The following HTATSF1 variants were observed in gnomAD, a reference collection of about 807,000 sequenced individuals.
HTATSF1 encodes the protein HIV-1 Tat specific factor 1, also known as 17S U2 SnRNP complex component HTATSF1.
Under a neutral mutation model 46.1 loss-of-function variants are expected in HTATSF1, and 6 were observed. That is an observed-to-expected ratio of 0.13 (90% CI 0.07 to 0.26). The LOEUF is 0.26. Among genes scored for constraint, HTATSF1 ranks in the 10% least tolerant of loss-of-function variants. HTATSF1 has a pLI of 1.00. For missense variants in HTATSF1, 452 were observed against 559.9 expected (o/e 0.81, Z 1.94); for synonymous variants, 226 against 211.5 (o/e 1.07, Z -0.60).
intron 8 of HTATSF1, 29 bp from the exon 9 acceptor site, chrX:136,510,779 T>C (rs767139447): frequency 1.7e-6 from 2 of 1,159,584 alleles, no homozygotes; most frequent in Non-Finnish European, 2.3e-6. Flanking sequence ...CTGAAACTTA[T>C]TTTAATGGCA....
At chrX:136,497,572 G>C (rs1482444267), upstream of HTATSF1, 2 of 600,322 alleles carry the variant, frequency 3.3e-6, no homozygotes, top group Admixed American at 4.0e-5. Flanking sequence ...AGGCGGGCCG[G>C]GGGGCGGCGG....
At chrX:136,504,613 T>G in intron 6 of HTATSF1, 150 bp downstream of exon 6, 1 of 433,554 alleles carries the variant, frequency 2.3e-6, no homozygotes, top group Non-Finnish European at 4.0e-6. Context: ...AGAAGCTACT[T>G]AAGTCTTTTG....
intron 6 of HTATSF1, among the ~76,000 whole-genome samples, chrX:136,506,501 C>T (rs945681123): frequency 8.9e-5 from 10 of 111,783 alleles, no homozygotes; most frequent in Non-Finnish European, 3.8e-5. Context: ...ACACAGTTGG[C>T]CCTTAATATT....
At chrX:136,497,562 A>G, upstream of HTATSF1, 1 of 507,607 alleles carries the variant, frequency 2.0e-6, no homozygotes, top group East Asian at 4.1e-5. Flanking sequence ...CGCAGCGGGG[A>G]GGCGGGCCGG....
At chrX:136,507,614 G>A (rs998805234) in intron 6 of HTATSF1, among the ~76,000 whole-genome samples, 1 of 109,115 alleles carries the variant, frequency 9.2e-6, no homozygotes, top group Non-Finnish European at 1.9e-5. Context: ...TAGAAATGGA[G>A]GTGATGCCTA....
intron 4 of HTATSF1, among the ~76,000 whole-genome samples, chrX:136,502,521 C>A (rs945530648): frequency 4.3e-4 from 48 of 110,766 alleles, no homozygotes; most frequent in Non-Finnish European, 7.6e-4. Flanking sequence ...CTACATACGA[C>A]GATATTGGGG....
chrX:136,509,000 G>T, intron 6 of HTATSF1, 91 bp from the exon 7 acceptor site: 2 of 650,902 alleles, frequency 3.1e-6, no homozygotes, highest in Admixed American at 5.6e-5. Context: ...ACCTTTTTCT[G>T]TTTGTTGATT....
chrX:136,498,914 A>G (rs760501102), intron 1 of HTATSF1, among the ~76,000 whole-genome samples: 5 of 113,044 alleles, frequency 4.4e-5, no homozygotes, highest in Non-Finnish European at 9.4e-5. Context: ...GATTGGTATG[A>G]TGATATAACT....
rs1398036819 is a variant in HTATSF1, at chrX:136,501,242, A to G, written c.570+424A>G. ...CAGCTTTATGGAACACAGCCACACTAATTCATTTATGCATTTGTCTATGGT... is the reference window on the plus strand; with the variant it reads ...CAGCTTTATGGAACACAGCCACACTGATTCATTTATGCATTTGTCTATGGT... On this transcript the variant is annotated intron_variant, in intron 4 of 8. Transcript: ENST00000218364. Among the ~76,000 whole-genome samples, 4 of 112,061 alleles carry G rather than the reference A, an allele frequency of 3.6e-5. No homozygotes were observed. In the East Asian group the frequency reaches 8.3e-4, roughly 23 times the overall value.
intron 6 of HTATSF1, among the ~76,000 whole-genome samples, chrX:136,506,297 T>A (rs1038620033): frequency 1.8e-5 from 2 of 112,019 alleles, no homozygotes; most frequent in Non-Finnish European, 3.8e-5. Context: ...ATTTTTTTTT[T>A]AATCTTCTTG....
intron 4 of HTATSF1, 24 bp from the exon 5 acceptor site, chrX:136,502,754 A>G (rs745714930): frequency 1.9e-6 from 2 of 1,034,346 alleles, no homozygotes; most frequent in East Asian, 6.8e-5. Flanking sequence ...ATAACTGACT[A>G]TATTTTGTCT....
chrX:136,509,548 C>T (rs964595415), intron 7 of HTATSF1, among the ~76,000 whole-genome samples: 6 of 111,871 alleles, frequency 5.4e-5, no homozygotes, highest in African/African-American at 2.0e-4. Context: ...TGTATATTTC[C>T]TCTTCTCATC....
chrX:136,510,345 T>A (rs1321226593), intron 8 of HTATSF1, 126 bp downstream of exon 8: 2 of 437,565 alleles, frequency 4.6e-6, no homozygotes, highest in Non-Finnish European at 3.5e-6. Context: ...TATTTTTATT[T>A]ACTTATATAT....
chrX:136,500,189 A>C lies in HTATSF1; in HGVS notation c.399A>C (p.Thr133=), dbSNP rs762221982. The C allele has an allele frequency of 7.2e-6, 8 of 1,110,810 alleles. No homozygotes were observed. The South Asian group carries it at 1.5e-4, about 21-fold the overall frequency. 91.5% of individuals were successfully genotyped at this position (1,110,810 alleles called of 1,213,427 possible). A position where few individuals can be genotyped will look rare whatever the true frequency, so the allele number is the denominator to read the frequency against. The part of the protein sequence containing the change: ...GWFHVEEDRN[T]NVYVSGLPPD... ...TTCATGTTGAAGAAGACAGAAATACAAATGTATACGTGTCTGGTATGTATA... is the reference window on the plus strand; with the variant it reads ...TTCATGTTGAAGAAGACAGAAATACCAATGTATACGTGTCTGGTATGTATA... Residue 133 remains threonine, a synonymous_variant, in exon 3 of 9, where the codon ACA becomes ACC. Transcript: ENST00000218364.
At chrX:136,501,095 G>A (rs772485420) in intron 4 of HTATSF1, among the ~76,000 whole-genome samples, 146 of 112,189 alleles carry the variant, frequency 1.3e-3, no homozygotes, top group African/African-American at 4.3e-3. Context: ...TTATTGATGT[G>A]TACAGTCAAT....
intron 7 of HTATSF1, among the ~76,000 whole-genome samples, chrX:136,509,660 T>G (rs2075758433): frequency 8.9e-6 from 1 of 112,238 alleles, no homozygotes; most frequent in Admixed American, 9.4e-5. Flanking sequence ...TCAAAACCCT[T>G]TGAGGCAGGT....
intron 5 of HTATSF1, among the ~76,000 whole-genome samples, chrX:136,503,840 T>C (rs1469214677): frequency 2.7e-5 from 3 of 111,894 alleles, no homozygotes; most frequent in Admixed American, 9.4e-5. Flanking sequence ...TTTCAGATAC[T>C]GGGATCATTT....
rs950340015 is a variant in HTATSF1, at chrX:136,499,633, T to C, written c.222T>C (p.Asn74=). 1.7e-6 allele frequency: 2 copies of C among 1,197,439 alleles called. No homozygotes were observed. Among genetic ancestry groups the C allele is most frequent in the Admixed American group, 4.7e-5 (2 of 42,521 alleles). ...ATTTCATTGCTACATATCAGGCCAA[T>C]TATGGCTTCTCTAACGATGGCGCAT... ...TEDFIATYQA[N]YGFSNDGASS... is the part of the protein sequence containing the mutation. The change falls in exon 2 of 9, where the codon AAT becomes AAC. Residue 74 remains asparagine, a synonymous_variant. Transcript: ENST00000218364.
Position 136,510,089 on chromosome X carries a change from C to T in HTATSF1, c.932C>T (p.Pro311Leu). 8.3e-7 allele frequency: 1 copy of T among 1,201,221 alleles called. No individual in the cohort carries two copies. The highest frequency in any genetic ancestry group is 1.1e-6 in the Non-Finnish European group (1 of 889,285). Reference sequence around the variant, plus strand: ...TCTTTCTTATCTTTCTAGAGGCACCCAGATGGTGTGGCCTCTGTGTCCTTT... The same window carrying T: ...TCTTTCTTATCTTTCTAGAGGCACCTAGATGGTGTGGCCTCTGTGTCCTTT... ...IRKLLLFDRH[P>L]DGVASVSFRD... The change falls in exon 8 of 9, where the codon CCA becomes CTA. Residue 311 changes from proline (P) to leucine (L), a missense_variant. Physicochemically the swap from Pro to Leu is moderately conservative, Grantham distance 98. Transcript: ENST00000218364.
Sources: gnomAD v4.1 joint callset for allele counts (sites outside exome capture counted in the v4.1 genomes callset) on GRCh38, gnomAD v4.1.1 for gene constraint, MANE v1.5 for transcripts, NCBI Gene and HGNC (gene_info 2026-07-23, HGNC 2026-07-21) for gene names.